PROK1: variants seen among roughly 807,000 people sequenced by gnomAD.
The protein encoded by PROK1 is prokineticin-1.
In PROK1, 10 loss-of-function variants were observed where a neutral mutation model predicts 8.8. The ratio of observed to expected loss-of-function variants is 1.13; its 90% CI spans 0.70 to 1.92. PROK1 has a LOEUF of 1.92. Ranked by LOEUF, PROK1 falls within the 30% of genes most tolerant of loss-of-function variation. The pLI, the probability that PROK1 is intolerant of heterozygous loss-of-function variation, is 0.00. For synonymous variants in PROK1, 57 were observed against 56.0 expected, an observed-to-expected ratio of 1.02 and a Z score of -0.08; for missense variants, 140 against 139.7, an observed-to-expected ratio of 1.00 and a Z score of -0.01.
rs780076706 is a variant in PROK1 at position 110,453,982 on chromosome 1, T to G, written c.94T>G (p.Cys32Gly). Residue 32 changes from cysteine (C) to glycine (G), a missense_variant, in exon 2 of 3, where the codon TGT becomes GGT. Physicochemically the swap from Cys to Gly is radical, Grantham distance 159 (BLOSUM62 -3). Coordinates refer to ENST00000271331, the MANE Select transcript of PROK1 (RefSeq NM_032414.3). ...ACAGGCCTGTGAGCGGGATGTCCAG[T>G]GTGGGGCAGGCACCTGCTGTGCCAT... Reference protein sequence around the residue: ...ITGACERDVQCGAGTCCAISL... With the variant: ...ITGACERDVQGGAGTCCAISL... 27 of 1,614,190 alleles carry G rather than the reference T, an allele frequency of 1.7e-5. No individual in the cohort carries two copies. Among genetic ancestry groups the G allele is most frequent in the Non-Finnish European group, 2.3e-5 (27 of 1,180,024 alleles).
chr1:110,454,830 T>G (rs1664144179), intron 2 of PROK1, among the ~76,000 whole-genome samples: 1 of 152,256 alleles, frequency 6.6e-6, no homozygotes, highest in Admixed American at 6.5e-5. Flanking sequence ...ACATGCCCTT[T>G]GCTCTGTAAG....
At chr1:110,453,290 T>A (rs1664116273) in intron 1 of PROK1, among the ~76,000 whole-genome samples, 1 of 152,184 alleles carries the variant, frequency 6.6e-6, no homozygotes, top group South Asian at 2.1e-4. Flanking sequence ...ATGTTAAATG[T>A]GAGCTTATTT....
intron 2 of PROK1, among the ~76,000 whole-genome samples, chr1:110,455,785 C>G (rs1015780333): frequency 9.8e-5 from 15 of 152,352 alleles, no homozygotes; most frequent in African/African-American, 3.6e-4. Flanking sequence ...CCTAACTTCT[C>G]CCTGAGGATA....
At position 110,456,535 on chromosome 1, in the gene PROK1, G is replaced by C; in HGVS notation, c.*184G>C. On this transcript the variant is annotated 3_prime_UTR_variant, in exon 3 of 3. Transcript: ENST00000271331. ...ACCTCCCATCATGACATGGTCCCCA[G>C]GCTGGCCTGAGGATGTCACAGCTTG... The C allele has an allele frequency of 1.3e-6, 1 of 786,946 alleles. No individual in the cohort carries two copies. The highest frequency in any genetic ancestry group is 2.1e-6 in the Non-Finnish European group (1 of 481,264). The allele number at this position is 786,946 out of a possible 1,614,324, so 48.7% of individuals were successfully genotyped here.
chr1:110,452,746 T>C (rs533724862), intron 1 of PROK1, among the ~76,000 whole-genome samples: 1 of 152,174 alleles, frequency 6.6e-6, no homozygotes, highest in East Asian at 1.9e-4. Flanking sequence ...CCACTTCTGA[T>C]TTTCAGCAGG....
At position 110,456,673 on chromosome 1, in the gene PROK1, C is replaced by G. The variant is rs1045726465; in HGVS notation, c.*322C>G. The G allele has an allele frequency of 4.0e-5, 16 of 396,848 alleles. No individual in the cohort carries two copies. The highest frequency in any genetic ancestry group is 7.2e-5 in the Non-Finnish European group (15 of 208,172). 24.6% of individuals were successfully genotyped at this position (396,848 alleles called of 1,614,324 possible). ...CTCCCCTCCCCAGGTGACCTGCTCT[C>G]TTTCCTGGGCCCTGCCCCTCTCCCC... On this transcript the variant is annotated 3_prime_UTR_variant, in exon 3 of 3. Transcript: ENST00000271331.
rs1391999268 is a variant in PROK1 at position 110,454,021 on chromosome 1, C to T, written c.133C>T (p.Arg45Ter). 1.1e-5 allele frequency: 17 copies of T among 1,614,192 alleles called. No individual in the cohort carries two copies. The highest frequency in any genetic ancestry group is 3.3e-4 in the Middle Eastern group (2 of 6,056). ...GTCCAISLWLRGLRMCTPLGR... is the reference protein window; with the variant it reads ...GTCCAISLWL Reference sequence around the variant, plus strand: ...CTGCTGTGCCATCAGCCTGTGGCTTCGAGGGCTGCGGATGTGCACCCCGCT... The same window carrying T: ...CTGCTGTGCCATCAGCCTGTGGCTTTGAGGGCTGCGGATGTGCACCCCGCT... The change falls in exon 2 of 3, where the codon CGA becomes TGA. Residue 45 changes from arginine (R) to a stop codon, truncating the protein, a stop_gained. Transcript: ENST00000271331. LOFTEE classifies it high-confidence loss of function.
intron 1 of PROK1, among the ~76,000 whole-genome samples, chr1:110,453,168 A>G (rs1306133802): frequency 6.6e-6 from 1 of 152,208 alleles, no homozygotes; most frequent in Non-Finnish European, 1.5e-5. Flanking sequence ...AAAGCCACAT[A>G]GCATCTCTGA....
intron 2 of PROK1, 91 bp from the exon 3 acceptor site, chr1:110,456,141 G>T: frequency 7.0e-7 from 1 of 1,436,856 alleles, no homozygotes; most frequent in Non-Finnish European, 9.7e-7. Context: ...GTGGGGGTGA[G>T]ACTTTTGCCA....
At chr1:110,451,603 T>A (rs1185428699) in intron 1 of PROK1, among the ~76,000 whole-genome samples, 1 of 152,218 alleles carries the variant, frequency 6.6e-6, no homozygotes, top group East Asian at 1.9e-4. Flanking sequence ...AAGGAATTCC[T>A]TTATAAAGTG....
intron 1 of PROK1, among the ~76,000 whole-genome samples, chr1:110,452,946 C>T (rs1040711049): frequency 2.0e-5 from 3 of 152,160 alleles, no homozygotes; most frequent in South Asian, 2.1e-4. Flanking sequence ...TGAGACGTGC[C>T]CTTGCTGGGC....
chr1:110,452,976 G>A (rs1268933696), intron 1 of PROK1, among the ~76,000 whole-genome samples: 1 of 152,098 alleles, frequency 6.6e-6, no homozygotes, highest in Non-Finnish European at 1.5e-5. Context: ...GCACAGCTGG[G>A]TGCCCACCAC....
intron 1 of PROK1, among the ~76,000 whole-genome samples, 153 bp downstream of exon 1, chr1:110,451,441 C>T (rs574583474): frequency 1.5e-4 from 23 of 152,200 alleles, no homozygotes; most frequent in Admixed American, 4.6e-4. Context: ...GGATTGCATG[C>T]GATTTTCAGA....
chr1:110,451,225 T>C lies in PROK1; in HGVS notation c.9T>C (p.Gly3=). The change falls in exon 1 of 3, where the codon GGT becomes GGC. Residue 3 remains glycine, a synonymous_variant. Coordinates refer to ENST00000271331, the MANE Select transcript of PROK1 (RefSeq NM_032414.3). ...CTTCACCCCAAGTGACCATGAGAGG[T>C]GCCACGCGAGTCTCAATCATGCTCC... MR[G]ATRVSIMLLL... is the part of the protein sequence containing the mutation. 1 of 1,614,096 alleles carries C rather than the reference T, an allele frequency of 6.2e-7. No homozygotes were observed. Among genetic ancestry groups the C allele is most frequent in the Non-Finnish European group, 8.5e-7 (1 of 1,180,012 alleles).
In PROK1 at chr1:110,456,315, C is replaced by A. The variant is rs1273219368; in HGVS notation, c.282C>A (p.Tyr94Ter). 6.2e-7 allele frequency: 1 copy of A among 1,614,112 alleles called. No homozygotes were observed. The highest frequency in any genetic ancestry group is 1.7e-5 in the Admixed American group (1 of 60,030). ...LLCSRFPDGR[Y>*]RCSMDLKNIN... Reference sequence around the variant, plus strand: ...GCTCCAGGTTCCCGGACGGCAGGTACCGCTGCTCCATGGACTTGAAGAACA... The same window carrying A: ...GCTCCAGGTTCCCGGACGGCAGGTAACGCTGCTCCATGGACTTGAAGAACA... The change falls in exon 3 of 3, where the codon TAC (tyrosine) becomes TAA (stop). Residue 94 changes from tyrosine to a stop codon, truncating the protein, a stop_gained. Transcript: ENST00000271331. LOFTEE classifies it high-confidence loss of function.
intron 1 of PROK1, among the ~76,000 whole-genome samples, chr1:110,453,172 T>C (rs915757119): frequency 2.6e-5 from 4 of 152,164 alleles, no homozygotes; most frequent in Non-Finnish European, 5.9e-5. Flanking sequence ...CCACATAGCA[T>C]CTCTGAGAAT....
In PROK1 at chr1:110,456,227, C is replaced by T. The variant is rs1339550218; in HGVS notation, c.199-5C>T. 4 of 1,611,678 alleles carry T rather than the reference C, an allele frequency of 2.5e-6. No homozygotes were observed. The Admixed American group carries it at 5.0e-5, about 20-fold the overall frequency. On this transcript the variant is annotated splice_region_variant and splice_polypyrimidine_tract_variant and intron_variant, in intron 2 of 2. Transcript: ENST00000271331. ...GGTGAAGGTGTTGATTTCTTCTCTC[C>T]TTAGGTCCCCTTCTTCAGGAAACGC...
rs116864400 is a variant in PROK1, at chr1:110,451,230, C to A, written c.14C>A (p.Thr5Lys). ...CCCCAAGTGACCATGAGAGGTGCCA[C>A]GCGAGTCTCAATCATGCTCCTCCTA... MRGA[T>K]RVSIMLLLVT... Residue 5 changes from threonine to lysine, a missense_variant, in exon 1 of 3, where the codon ACG becomes AAG. Transcript: ENST00000271331. The A allele has an allele frequency of 5.0e-6, 8 of 1,614,154 alleles. No individual in the cohort carries two copies. In the East Asian group the frequency reaches 1.6e-4, roughly 31 times the overall value.
At chr1:110,451,364 C>A (rs1664087586) in intron 1 of PROK1, 76 bp downstream of exon 1, 2 of 1,298,274 alleles carry the variant, frequency 1.5e-6, no homozygotes, top group Admixed American at 1.7e-5. Flanking sequence ...AGCCCAGGAA[C>A]CATGCAGGAG....
Sources: allele counts gnomAD v4.1 joint callset (sites outside exome capture counted in the v4.1 genomes callset), GRCh38; gene constraint gnomAD v4.1.1; transcripts MANE v1.5; gene names NCBI Gene and HGNC (gene_info 2026-07-23, HGNC 2026-07-21).